The following NID1 variants were observed in gnomAD, a reference collection of about 807,000 sequenced individuals.
The protein encoded by NID1 is nidogen-1.
A neutral mutation model predicts 130.6 loss-of-function variants in NID1; 76 were observed. That is an observed-to-expected ratio of 0.58 (90% CI 0.48 to 0.70). NID1 has a LOEUF of 0.70. NID1 is among the 30% of genes least tolerant of loss of function. The pLI is 0.00. For missense variants in NID1, 1,517 were observed against 1,664.8 expected, an observed-to-expected ratio of 0.91 and a Z score of 1.54; for synonymous variants, 665 against 675.1, an observed-to-expected ratio of 0.98 and a Z score of 0.23.
intron 13 of NID1, among the ~76,000 whole-genome samples, 173 bp downstream of exon 13, chr1:235,993,472 G>A (rs1273088228): frequency 6.6e-6 from 1 of 152,230 alleles, no homozygotes; most frequent in Non-Finnish European, 1.5e-5. Flanking sequence ...GAAGCACGGG[G>A]AGGAGCGGGG....
chr1:236,004,146 G>A (rs1658171244), intron 12 of NID1, among the ~76,000 whole-genome samples: 1 of 152,116 alleles, frequency 6.6e-6, no homozygotes, highest in Admixed American at 6.6e-5. Flanking sequence ...GGTGGGGAAA[G>A]AAGCTGACTG....
At chr1:236,012,233 G>A (rs1390138672) in intron 11 of NID1, among the ~76,000 whole-genome samples, 190 bp from the exon 12 acceptor site, 2 of 152,172 alleles carry the variant, frequency 1.3e-5, no homozygotes, top group Middle Eastern at 3.2e-3. Flanking sequence ...ACTTGCAAAT[G>A]TGTTTCACTT....
intron 9 of NID1, among the ~76,000 whole-genome samples, chr1:236,019,902 C>T (rs771006004): frequency 3.3e-5 from 5 of 151,858 alleles, no homozygotes; most frequent in Admixed American, 3.3e-4. Context: ...ATTAGCCAGG[C>T]AGCATGTGCC....
chr1:236,016,327 C>T (rs998526220), intron 10 of NID1, among the ~76,000 whole-genome samples: 8 of 152,150 alleles, frequency 5.3e-5, no homozygotes, highest in Non-Finnish European at 5.9e-5. Context: ...CTTACCCAAG[C>T]TTTGAGACAG....
At chr1:236,013,659 C>G in intron 10 of NID1, 99 bp from the exon 11 acceptor site, 3 of 1,363,934 alleles carry the variant, frequency 2.2e-6, no homozygotes, top group Non-Finnish European at 3.1e-6. Context: ...TGCCTGGACC[C>G]TAGACCTCTA....
intron 15 of NID1, among the ~76,000 whole-genome samples, chr1:235,983,553 A>T (rs1286133327): frequency 6.6e-6 from 1 of 152,130 alleles, no homozygotes; most frequent in East Asian, 1.9e-4. Flanking sequence ...ACGCAAATAA[A>T]ACAGAGAATA....
At chr1:236,036,102 A>G (rs973716464) in intron 5 of NID1, among the ~76,000 whole-genome samples, 4 of 152,250 alleles carry the variant, frequency 2.6e-5, no homozygotes, top group Admixed American at 6.5e-5. Context: ...TATTTGGGGT[A>G]GAAAAGGCTA....
In NID1 at chr1:236,024,175, C is replaced by T. The variant is rs774961476; in HGVS notation, c.2023G>A (p.Gly675Ser). The T allele has an allele frequency of 2.1e-5, 34 of 1,614,128 alleles. No homozygotes were observed. Among genetic ancestry groups the T allele is most frequent in the Non-Finnish European group, 2.2e-5 (26 of 1,180,060 alleles). ...GCGTTGGTGTCACACCCATGAGTGCCGATGTAGCAGGGATTCTGAAGAGCA... is the reference window on the plus strand; with the variant it reads ...GCGTTGGTGTCACACCCATGAGTGCTGATGTAGCAGGGATTCTGAAGAGCA... ...PDALQNPCYIGTHGCDTNAAC... is the reference protein window; with the variant it reads ...PDALQNPCYISTHGCDTNAAC... The change falls in exon 9 of 20, where the codon GGC (glycine) becomes AGC (serine). Residue 675 changes from glycine (G) to serine (S), a missense_variant. Gly to Ser is a moderately conservative substitution (Grantham distance 56, BLOSUM62 0). This residue lies in a region of NID1 where 1,329 missense variants were observed against 1,429.2 expected (regional missense o/e 0.93). Coordinates refer to ENST00000264187, the MANE Select transcript of NID1 (RefSeq NM_002508.3).
chr1:236,014,591 G>A (rs1445540532), intron 10 of NID1, among the ~76,000 whole-genome samples: 1 of 152,128 alleles, frequency 6.6e-6, no homozygotes, highest in Admixed American at 6.6e-5. Context: ...CCTTCCATGA[G>A]TTCTATCATC....
At chr1:235,992,562 G>A (rs1301690829) in intron 13 of NID1, among the ~76,000 whole-genome samples, 2 of 152,128 alleles carry the variant, frequency 1.3e-5, no homozygotes, top group Admixed American at 6.5e-5. Flanking sequence ...ACCGCCCCAC[G>A]CAAGCCAGGA....
At chr1:236,050,411 GA>G (rs1659733277) in intron 1 of NID1, among the ~76,000 whole-genome samples, 1 of 152,028 alleles carries the variant, frequency 6.6e-6, no homozygotes, top group Non-Finnish European at 1.5e-5. Flanking sequence ...AAATTAGCCG[GA>G]CATGGTGGTG....
rs531555534 is a variant in NID1 at position 236,064,787 on chromosome 1, G to C, written c.225+68C>G. The C allele has an allele frequency of 1.1e-3, 1,625 of 1,468,390 alleles. 16 individuals carry two copies. In the African/African-American group the frequency reaches 0.021, roughly 19 times the overall value. 91.0% of individuals were successfully genotyped at this position (1,468,390 alleles called of 1,614,324 possible). On this transcript the variant is annotated intron_variant, in intron 1 of 19. Coordinates refer to ENST00000264187, the MANE Select transcript of NID1 (RefSeq NM_002508.3). The stretch of plus-strand genomic sequence containing the variant: ...CCGCCTGCTACGCCCAAGTCCGTCC[G>C]GCTCCACGGGCGCCCCCGGCCCGCC...
chr1:235,993,664 C>A lies in NID1; in HGVS notation c.2736G>T (p.Arg912Ser). Reference sequence around the variant, plus strand: ...ACTTACACGGGGGCGTCATCCCGGGCCTGGTCCTGGTGCCCTCCACCTCGC... The same window carrying A: ...ACTTACACGGGGGCGTCATCCCGGGACTGGTCCTGGTGCCCTCCACCTCGC... ...DGREVEGTRT[R>S]PGMTPPCLST... The change falls in exon 13 of 20, where the codon AGG (arginine) becomes AGT (serine). Residue 912 changes from arginine (R) to serine (S), a missense_variant. Coordinates refer to ENST00000264187, the MANE Select transcript of NID1 (RefSeq NM_002508.3). 2 of 1,564,038 alleles carry A rather than the reference C, an allele frequency of 1.3e-6. No homozygotes were observed. Among genetic ancestry groups the A allele is most frequent in the East Asian group, 2.4e-5 (1 of 42,222 alleles).
At chr1:236,023,396 C>T (rs150186681) in intron 9 of NID1, among the ~76,000 whole-genome samples, 9 of 152,204 alleles carry the variant, frequency 5.9e-5, no homozygotes, top group South Asian at 2.1e-4. Context: ...CATATGCAAT[C>T]GTTAGAATAA....
At chr1:236,012,692 GT>G (rs1209983032) in intron 11 of NID1, among the ~76,000 whole-genome samples, 4 of 152,000 alleles carry the variant, frequency 2.6e-5, no homozygotes, top group Non-Finnish European at 1.5e-5. Flanking sequence ...CTGTCTGAGT[GT>G]TTACTGACAG....
chr1:236,004,799 G>A (rs1028011516), intron 12 of NID1, among the ~76,000 whole-genome samples: 2 of 148,876 alleles, frequency 1.3e-5, no homozygotes, highest in Non-Finnish European at 1.5e-5. Flanking sequence ...AACTAAAGGG[G>A]CTAGAAGAGC....
chr1:236,051,824 A>T (rs565901973), intron 1 of NID1, among the ~76,000 whole-genome samples: 1 of 152,364 alleles, frequency 6.6e-6, no homozygotes, highest in Admixed American at 6.5e-5. Flanking sequence ...TTCCAGTGAA[A>T]TTTAAATCAG....
In NID1 at chr1:236,048,869, C is replaced by T. The variant is rs771293756; in HGVS notation, c.346G>A (p.Gly116Ser). The change falls in exon 2 of 20, where the codon GGC (glycine) becomes AGC (serine). Residue 116 changes from glycine to serine, a missense_variant. Gly to Ser is a moderately conservative substitution (Grantham distance 56). This residue lies in a region of NID1 where 1,329 missense variants were observed against 1,429.2 expected (regional missense o/e 0.93). Coordinates refer to ENST00000264187, the MANE Select transcript of NID1 (RefSeq NM_002508.3). ...PFLADLDTTD[G>S]LGKVYYREDL... ...TCTCGATAATAAACCTTCCCCAGGC[C>T]ATCGGTCGTGTCCAAGTCCGCCAGG... 3 of 1,614,138 alleles carry T rather than the reference C, an allele frequency of 1.9e-6. No homozygotes were observed. In the East Asian group the frequency reaches 6.7e-5, roughly 36 times the overall value.
chr1:236,035,826 T>C (rs1215260590), intron 5 of NID1, among the ~76,000 whole-genome samples: 1 of 152,138 alleles, frequency 6.6e-6, no homozygotes, highest in African/African-American at 2.4e-5. Context: ...GGGAACACTG[T>C]GAAGTTAGCT....
Sources: allele counts gnomAD v4.1 joint callset (sites outside exome capture counted in the v4.1 genomes callset), GRCh38; gene constraint gnomAD v4.1.1; regional missense constraint gnomAD v4.1.1; transcripts MANE v1.5; gene names NCBI Gene and HGNC (gene_info 2026-07-23, HGNC 2026-07-21).